Variants in FBF1 observed in about 807,000 individuals in gnomAD.
FBF1 encodes the protein Fas binding factor 1.
In FBF1, 119 loss-of-function variants were observed where a neutral mutation model predicts 147.2. That is an observed-to-expected ratio of 0.81 (90% CI 0.70 to 0.94). The LOEUF is 0.94. Ranked by LOEUF, FBF1 falls within the 40% of genes least tolerant of loss-of-function variation. The probability of loss-of-function intolerance (pLI) is 0.00; values close to 1 mark genes in which losing one functional copy is unlikely to be tolerated. For missense variants in FBF1, 1,449 were observed against 1,500.8 expected, an observed-to-expected ratio of 0.97 and a Z score of 0.57; for synonymous variants, 601 against 609.0, an observed-to-expected ratio of 0.99 and a Z score of 0.19.
chr17:75,916,100 G>C (rs2065487617), intron 23 of FBF1, among the ~76,000 whole-genome samples: 1 of 150,920 alleles, frequency 6.6e-6, no homozygotes, highest in South Asian at 2.1e-4. Flanking sequence ...TGGGCAGCTT[G>C]TCTGAGCTCA....
intron 28 of FBF1, 26 bp downstream of exon 28, chr17:75,913,676 C>T (rs1346086747): frequency 3.9e-6 from 6 of 1,550,592 alleles, no homozygotes; most frequent in Non-Finnish European, 5.2e-6. Flanking sequence ...CCTGAGCCGC[C>T]GGCCCTTCCT....
At chr17:75,914,526 A>C (rs1201475863) in intron 25 of FBF1, 1 of 854,284 alleles carries the variant, frequency 1.2e-6, no homozygotes, top group African/African-American at 1.7e-5. Context: ...TTTCTAAATG[A>C]CCAAAGTCAT....
chr17:75,913,960 G>A lies in FBF1; in HGVS notation c.3082C>T (p.Gln1028Ter). The change falls in exon 27 of 30, where the codon CAG becomes TAG. Residue 1028 changes from glutamine (Q) to a stop codon, truncating the protein, a stop_gained. Coordinates refer to ENST00000636174, the MANE Select transcript of FBF1 (RefSeq NM_001319193.2). LOFTEE classifies it high-confidence loss of function. The part of the protein sequence containing the change: ...AEQQARLQAV[Q>*]QQQERLRKQE... The stretch of plus-strand genomic sequence containing the variant: ...TTCCGCAGCCGCTCCTGCTGTTGCT[G>A]CACCGCCTGCAACCGGGCCTGCTGC... The A allele has an allele frequency of 6.4e-7, 1 of 1,553,942 alleles. No individual in the cohort carries two copies. The highest frequency in any genetic ancestry group is 8.7e-7 in the Non-Finnish European group (1 of 1,155,758).
chr17:75,922,728 C>T lies in FBF1; in HGVS notation c.1424+458G>A, dbSNP rs147035823. 9.7e-4 allele frequency among the ~76,000 whole-genome samples: 148 copies of T among 152,334 alleles called. No individual in the cohort carries two copies. Among genetic ancestry groups the T allele is most frequent in the Admixed American group, 1.7e-3 (26 of 15,306 alleles). On this transcript the variant is annotated intron_variant, in intron 14 of 29. Coordinates refer to ENST00000636174, the MANE Select transcript of FBF1 (RefSeq NM_001319193.2). This position sits in a 1 kb window ranked among gnomAD's most constrained non-coding sequence, Gnocchi z 5.0. ...AAGGGCTTCTCCAAGAGGCGCCTCT[C>T]GGCCACTATGTCTCCTCTAACACTC...
In FBF1 at chr17:75,923,505, G is replaced by A; in HGVS notation, c.1105C>T (p.Leu369=). 6.2e-7 allele frequency: 1 copy of A among 1,606,762 alleles called. No homozygotes were observed. The highest frequency in any genetic ancestry group is 8.5e-7 in the Non-Finnish European group (1 of 1,176,998). ...WLGLKDEDLD[L]FPASPTREAH... The stretch of plus-strand genomic sequence containing the variant: ...TCTCTGGTGGGTGAGGCAGGGAACA[G>A]GTCCAAGTCCTCGTCCTTGAGGCCC... The change falls in exon 14 of 30, where the codon CTG becomes TTG. Residue 369 remains leucine, a synonymous_variant. Transcript: ENST00000636174. The surrounding 1 kb of genome is among the most constrained non-coding windows in gnomAD (Gnocchi z 4.1).
intron 4 of FBF1, among the ~76,000 whole-genome samples, chr17:75,933,745 G>A (rs2065607843): frequency 6.6e-6 from 1 of 152,110 alleles, no homozygotes; most frequent in African/African-American, 2.4e-5. Context: ...AATTAAAAAG[G>A]GGCAAAGGAT....
In FBF1 at chr17:75,935,902, G is replaced by A. The variant is rs372106031; in HGVS notation, c.32-229C>T. On this transcript the variant is annotated intron_variant, in intron 3 of 29. Coordinates refer to ENST00000636174, the MANE Select transcript of FBF1 (RefSeq NM_001319193.2). ...TTTAAATAACTATCTCAGGCTGGGC[G>A]CAGTGGCTCACACCTGCAATCCCAG... Among the ~76,000 whole-genome samples the A allele has an allele frequency of 2.8e-4, 43 of 152,318 alleles. No homozygotes were observed. In the East Asian group the frequency reaches 3.3e-3, roughly 12 times the overall value.
intron 2 of FBF1, 94 bp from the exon 3 acceptor site, chr17:75,937,687 A>C: frequency 3.8e-6 from 5 of 1,320,112 alleles, no homozygotes; most frequent in Non-Finnish European, 5.4e-6. Context: ...CCTTTTGCCA[A>C]GTAACCAGAG....
Position 75,917,763 on chromosome 17 carries a change from C to A in FBF1, c.2474G>T (p.Arg825Leu). The change falls in exon 23 of 30, where the codon CGG (arginine) becomes CTG (leucine). Residue 825 changes from arginine to leucine, a missense_variant. By Grantham distance (102) the Arg-to-Leu change is moderately radical. Coordinates refer to ENST00000636174, the MANE Select transcript of FBF1 (RefSeq NM_001319193.2). ...QQEVIGKMEARLNEQSRLLEQ... is the reference protein window; with the variant it reads ...QQEVIGKMEALLNEQSRLLEQ... ...CAGCAGCCGGCTCTGCTCATTCAGCCGTGCCTCCATCTTCCCGATGACCTC... is the reference window on the plus strand; with the variant it reads ...CAGCAGCCGGCTCTGCTCATTCAGCAGTGCCTCCATCTTCCCGATGACCTC... The A allele has an allele frequency of 1.2e-6, 2 of 1,608,604 alleles. No homozygotes were observed. The highest frequency in any genetic ancestry group is 1.7e-5 in the Admixed American group (1 of 59,540).
chr17:75,911,338 T>C (rs563973388), intron 29 of FBF1, among the ~76,000 whole-genome samples: 89 of 152,244 alleles, frequency 5.8e-4, no homozygotes, highest in Non-Finnish European at 1.1e-3. Context: ...ATGACAACTG[T>C]TATCATTATA....
intron 5 of FBF1, 80 bp from the exon 6 acceptor site, chr17:75,931,369 G>C: frequency 7.6e-7 from 1 of 1,311,108 alleles, no homozygotes; most frequent in Non-Finnish European, 1.1e-6. Context: ...AGCTTAGAAA[G>C]CCCAAGGAAT....
chr17:75,921,906 C>T, intron 15 of FBF1, 39 bp downstream of exon 15: 2 of 1,505,492 alleles, frequency 1.3e-6, no homozygotes, highest in East Asian at 2.5e-5. Flanking sequence ...TGCTGCCCAC[C>T]ATGCTCTCAT....
chr17:75,926,410 T>C lies in FBF1; in HGVS notation c.612A>G (p.Leu204=). The change falls in exon 11 of 30, where the codon CTA becomes CTG. Residue 204 remains leucine, a synonymous_variant. Transcript: ENST00000636174. ...TVRDQGPSIP[L]TPGDTPIRKK... ...TTCGGATGGGGGTGTCCCCAGGAGT[T>C]AGAGGAATAGAGGGACCTGAAAGAC... 1 of 1,571,958 alleles carries C rather than the reference T, an allele frequency of 6.4e-7. No individual in the cohort carries two copies. The highest frequency in any genetic ancestry group is 8.6e-7 in the Non-Finnish European group (1 of 1,161,200).
In FBF1 at chr17:75,916,823, CAGTT is replaced by C. The variant is rs892049312; in HGVS notation, c.2505+905_2505+908del. ...GACTGCAGGTGTGCACCACCACACC[CAGTT>C]AATTAAAACAAAATTTAAATGTTTT... On this transcript the variant is annotated intron_variant, in intron 23 of 29. Coordinates refer to ENST00000636174, the MANE Select transcript of FBF1 (RefSeq NM_001319193.2). Among the ~76,000 whole-genome samples, 25 of 152,188 alleles carry C rather than the reference CAGTT, an allele frequency of 1.6e-4. 1 individual carries two copies. The highest frequency in any genetic ancestry group is 1.3e-3 in the Admixed American group (20 of 15,272).
At position 75,933,020 on chromosome 17, in the gene FBF1, A is replaced by G. The variant is rs1179645211; in HGVS notation, c.142T>C (p.Phe48Leu). ...TTTGTTCTCGCCTTTGAAGAAGGGAACATCTGAGATACACCTGTGGTGTCT... is the reference window on the plus strand; with the variant it reads ...TTTGTTCTCGCCTTTGAAGAAGGGAGCATCTGAGATACACCTGTGGTGTCT... ...TRDTTGVSQM[F>L]PSSKARTKSL... Residue 48 changes from phenylalanine to leucine, a missense_variant, in exon 5 of 30, where the codon TTC (phenylalanine) becomes CTC (leucine). Physicochemically the swap from Phe to Leu is conservative, Grantham distance 22. Coordinates refer to ENST00000636174, the MANE Select transcript of FBF1 (RefSeq NM_001319193.2). The G allele has an allele frequency of 6.2e-7, 1 of 1,603,620 alleles. No individual in the cohort carries two copies. Among genetic ancestry groups the G allele is most frequent in the South Asian group, 1.1e-5 (1 of 90,486 alleles).
chr17:75,930,110 C>T, intron 6 of FBF1, 63 bp from the exon 7 acceptor site: 7 of 1,336,026 alleles, frequency 5.2e-6, no homozygotes, highest in Non-Finnish European at 6.3e-6. Flanking sequence ...CCCAATAAAA[C>T]TCAGGGTCCT....
In FBF1 at chr17:75,928,013, AGTCTCCCTAGCAGATGCGAGGAGCC is replaced by A; in HGVS notation, c.397+38_397+62del. On this transcript the variant is annotated intron_variant, in intron 8 of 29. Transcript: ENST00000636174. This position sits in a 1 kb window ranked among gnomAD's most constrained non-coding sequence, Gnocchi z 4.2. Reference sequence around the variant, plus strand: ...CTACTAGCATCTTCCACGTCCTCAAAGTCTCCCTAGCAGATGCGAGGAGCCGTCTCCCATGCACCTTTCTCACTGG... The same window carrying A: ...CTACTAGCATCTTCCACGTCCTCAAAGTCTCCCATGCACCTTTCTCACTGG... 1 of 1,360,268 alleles carries A rather than the reference AGTCTCCCTAGCAGATGCGAGGAGCC, an allele frequency of 7.4e-7. No homozygotes were observed. The highest frequency in any genetic ancestry group is 1.0e-6 in the Non-Finnish European group (1 of 963,424). The allele number at this position is 1,360,268 out of a possible 1,614,324, so 84.3% of individuals were successfully genotyped here.
intron 4 of FBF1, among the ~76,000 whole-genome samples, chr17:75,933,466 G>A (rs2065606304): frequency 6.6e-6 from 1 of 152,170 alleles, no homozygotes; most frequent in Admixed American, 6.5e-5. Context: ...CAGCTACTCA[G>A]TAGGCTGAGG....
intron 9 of FBF1, 113 bp from the exon 10 acceptor site, chr17:75,926,990 A>C: frequency 7.1e-7 from 1 of 1,414,346 alleles, no homozygotes; most frequent in Non-Finnish European, 9.5e-7. Context: ...CAGTACATAA[A>C]CAAGCCCCCT....
Sources: allele counts gnomAD v4.1 joint callset (sites outside exome capture counted in the v4.1 genomes callset), GRCh38; gene constraint gnomAD v4.1.1; non-coding constraint Gnocchi (gnomAD v3.1); transcripts MANE v1.5; gene names NCBI Gene and HGNC (gene_info 2026-07-23, HGNC 2026-07-21).